The following PLB1 variants were observed in gnomAD, a reference collection of about 807,000 sequenced individuals.
PLB1 encodes phospholipase B1, membrane-associated.
Under a neutral mutation model 227.4 loss-of-function variants are expected in PLB1, and 242 were observed. The ratio of observed to expected loss-of-function variants is 1.06; its 90% CI spans 0.96 to 1.18. The LOEUF (loss-of-function observed/expected upper bound fraction) is 1.18, where lower values mean the gene tolerates loss of function less well. Among genes scored for constraint, PLB1 ranks in the 50% most tolerant of loss-of-function variants. The pLI, the probability that PLB1 is intolerant of heterozygous loss-of-function variation, is 0.00. For missense variants in PLB1, 1,858 were observed against 1,816.3 expected, an observed-to-expected ratio of 1.02 and a Z score of -0.42; for synonymous variants, 757 against 682.2, an observed-to-expected ratio of 1.11 and a Z score of -1.71.
chr2:28,582,635 C>G (rs186541395), intron 25 of PLB1, 130 bp downstream of exon 25: 1 of 698,506 alleles, frequency 1.4e-6, no homozygotes, highest in South Asian at 1.9e-5. Flanking sequence ...ATCTTCTAAC[C>G]TGGAAAAGCC....
chr2:28,580,317 C>G (rs1465364398), intron 23 of PLB1, among the ~76,000 whole-genome samples: 1 of 152,254 alleles, frequency 6.6e-6, no homozygotes, highest in East Asian at 1.9e-4. Flanking sequence ...CAGGCCCTGT[C>G]CTCAGGAACT....
At chr2:28,534,563 A>C (rs890687374) in intron 9 of PLB1, among the ~76,000 whole-genome samples, 1 of 152,206 alleles carries the variant, frequency 6.6e-6, no homozygotes, top group East Asian at 1.9e-4. Flanking sequence ...CAAGATAAAA[A>C]CAGCCTCAAG....
chr2:28,549,929 C>A, intron 15 of PLB1, 81 bp from the exon 16 acceptor site: 2 of 1,229,768 alleles, frequency 1.6e-6, no homozygotes, highest in Non-Finnish European at 2.4e-6. Flanking sequence ...TGGCCAAAAG[C>A]ATCACTGGAT....
At chr2:28,529,525 G>A (rs1670724694) in intron 7 of PLB1, 118 bp downstream of exon 7, 2 of 1,022,200 alleles carry the variant, frequency 2.0e-6, no homozygotes, top group Non-Finnish European at 1.5e-6. Context: ...AAGTATTTAA[G>A]TCAAAGCCCA....
chr2:28,591,394 T>G (rs952848616), intron 30 of PLB1, among the ~76,000 whole-genome samples: 1 of 152,208 alleles, frequency 6.6e-6, no homozygotes, highest in Non-Finnish European at 1.5e-5. Flanking sequence ...GCGACATAAG[T>G]GAAGAGAAAT....
rs12995756 is a variant in PLB1 at position 28,644,001 on chromosome 2, G to A, written c.*940G>A. Among the ~76,000 whole-genome samples the A allele has an allele frequency of 0.058, 8,846 of 152,310 alleles. 364 individuals are homozygous for A. Among genetic ancestry groups the A allele is most frequent in the Non-Finnish European group, 0.091 (6,170 of 68,020 alleles). Reference sequence around the variant, plus strand: ...CACAAAAGCCCAGGGAGGGGGTAAAGGGAAAATCTTTGAAAATAGAAGTGA... The same window carrying A: ...CACAAAAGCCCAGGGAGGGGGTAAAAGGAAAATCTTTGAAAATAGAAGTGA... On this transcript the variant is annotated 3_prime_UTR_variant, in exon 58 of 58. Transcript: ENST00000327757.
intron 51 of PLB1, among the ~76,000 whole-genome samples, chr2:28,627,114 C>T (rs548373712): frequency 2.0e-5 from 3 of 152,198 alleles, no homozygotes; most frequent in Non-Finnish European, 2.9e-5. Context: ...AGATTGTGGT[C>T]GAATGTTTGA....
intron 1 of PLB1, among the ~76,000 whole-genome samples, chr2:28,511,756 T>C (rs1668281792): frequency 6.6e-6 from 1 of 151,906 alleles, no homozygotes; most frequent in South Asian, 2.1e-4. Flanking sequence ...TCATCAAATG[T>C]GGGAGGTTTG....
intron 17 of PLB1, among the ~76,000 whole-genome samples, chr2:28,554,011 G>A (rs924791816): frequency 6.6e-6 from 1 of 152,096 alleles, no homozygotes; most frequent in Non-Finnish European, 1.5e-5. Context: ...ATGGCTGGCA[G>A]GAAAGTTAAA....
intron 53 of PLB1, among the ~76,000 whole-genome samples, chr2:28,630,177 C>A (rs1035132955): frequency 1.8e-4 from 27 of 152,132 alleles, no homozygotes; most frequent in Non-Finnish European, 5.9e-5. Context: ...ACTTGAGGAG[C>A]GATTCCAAAC....
At chr2:28,616,956 T>A (rs1297737171) in intron 44 of PLB1, among the ~76,000 whole-genome samples, 2 of 152,212 alleles carry the variant, frequency 1.3e-5, no homozygotes, top group Non-Finnish European at 2.9e-5. Context: ...CAAGCCCTAC[T>A]CCATACTCAG....
At chr2:28,637,215 A>G (rs1689462377) in intron 56 of PLB1, among the ~76,000 whole-genome samples, 1 of 151,140 alleles carries the variant, frequency 6.6e-6, no homozygotes, top group Non-Finnish European at 1.5e-5. Context: ...ATCGCTTGAA[A>G]CCAGGAGGCA....
intron 33 of PLB1, chr2:28,594,037 A>G (rs769662815): frequency 8.5e-6 from 6 of 704,178 alleles, no homozygotes; most frequent in Non-Finnish European, 1.3e-5. Context: ...TGCACCAGAA[A>G]AGCACCAAAT....
intron 14 of PLB1, among the ~76,000 whole-genome samples, chr2:28,546,263 T>A (rs997699083): frequency 3.9e-5 from 6 of 152,206 alleles, no homozygotes; most frequent in African/African-American, 1.2e-4. Context: ...TCAGTCGTTT[T>A]GAAGGGGACC....
rs1047494070 is a variant in PLB1, at chr2:28,644,059, C to T, written c.*998C>T. Among the ~76,000 whole-genome samples the T allele has an allele frequency of 6.6e-6, 1 of 152,172 alleles. No individual in the cohort carries two copies. Among genetic ancestry groups the T allele is most frequent in the Non-Finnish European group, 1.5e-5 (1 of 68,036 alleles). On this transcript the variant is annotated 3_prime_UTR_variant, in exon 58 of 58. Transcript: ENST00000327757. ...GCAACACCGTGAATGTACTAAACGC[C>T]GCAAATTGTTCCATTTAAAATGATT... is the stretch of plus-strand genomic sequence containing the variant.
At chr2:28,598,270 G>A (rs1383256094) in intron 34 of PLB1, among the ~76,000 whole-genome samples, 2 of 152,174 alleles carry the variant, frequency 1.3e-5, no homozygotes, top group Non-Finnish European at 2.9e-5. Context: ...TCAATCCCTG[G>A]TGCTGGGTTC....
chr2:28,613,856 G>T (rs1253910918), intron 43 of PLB1, among the ~76,000 whole-genome samples, 175 bp from the exon 44 acceptor site: 1 of 152,144 alleles, frequency 6.6e-6, no homozygotes, highest in East Asian at 1.9e-4. Context: ...TGCCAAAGCT[G>T]TTATGTAAAA....
chr2:28,600,472 C>A (rs533027148), intron 35 of PLB1, among the ~76,000 whole-genome samples: 90 of 152,278 alleles, frequency 5.9e-4, no homozygotes, highest in Middle Eastern at 6.8e-3. Context: ...ATTTTAGGAT[C>A]TAAACTAGTC....
At chr2:28,631,152 C>CAAA (rs56107032) in intron 54 of PLB1, among the ~76,000 whole-genome samples, 1 of 137,664 alleles carries the variant, frequency 7.3e-6, no homozygotes, top group Non-Finnish European at 1.6e-5. Context: ...GACCCTATCT[C>CAAA]AAAAAAAAAA....
Sources: gnomAD v4.1 joint callset for allele counts (sites outside exome capture counted in the v4.1 genomes callset) on GRCh38, gnomAD v4.1.1 for gene constraint, MANE v1.5 for transcripts, NCBI Gene and HGNC (gene_info 2026-07-23, HGNC 2026-07-21) for gene names.